NCALD: variants seen among roughly 807,000 people sequenced by gnomAD.
NCALD encodes the protein neurocalcin delta.
In NCALD, 10 loss-of-function variants were observed where a neutral mutation model predicts 18.6. The observed-to-expected ratio is 0.54, with a 90% CI of 0.33 to 0.91. The LOEUF is 0.91. NCALD is among the 40% of genes least tolerant of loss of function. The probability of loss-of-function intolerance (pLI) is 0.03; values close to 1 mark genes in which losing one functional copy is unlikely to be tolerated. For missense variants in NCALD, 184 were observed against 247.6 expected (o/e 0.74, Z 1.72); for synonymous variants, 88 against 87.4 (o/e 1.01, Z -0.04).
intron 1 of NCALD, among the ~76,000 whole-genome samples, chr8:101,769,302 C>T (rs1013341312): frequency 6.6e-6 from 1 of 152,208 alleles, no homozygotes; most frequent in Non-Finnish European, 1.5e-5. Flanking sequence ...CAGTATTAAA[C>T]TTGACGTTCT....
At chr8:101,959,504 T>C (rs1176561703) in intron 2 of NCALD, among the ~76,000 whole-genome samples, 2 of 152,198 alleles carry the variant, frequency 1.3e-5, no homozygotes, top group East Asian at 3.8e-4. Flanking sequence ...CTCAAAAAAC[T>C]TTCCAGTTAT....
At chr8:101,772,930 G>T (rs1811644181) in intron 1 of NCALD, among the ~76,000 whole-genome samples, 1 of 152,148 alleles carries the variant, frequency 6.6e-6, no homozygotes, top group South Asian at 2.1e-4. Context: ...ACCCCAGAAA[G>T]GGGTAGGAGT....
At chr8:101,798,684 G>T (rs1275317344) in intron 4 of NCALD, among the ~76,000 whole-genome samples, 1 of 152,044 alleles carries the variant, frequency 6.6e-6, no homozygotes, top group Non-Finnish European at 1.5e-5. Context: ...AAAAAGAAAG[G>T]AAATAAATAG....
chr8:101,741,619 T>G, intron 1 of NCALD, among the ~76,000 whole-genome samples: 1 of 115,004 alleles, frequency 8.7e-6, no homozygotes, highest in Admixed American at 9.4e-5. Flanking sequence ...GAAACAAAAA[T>G]GATTACAGTG....
At chr8:101,841,637 T>C (rs1398684247) in intron 4 of NCALD, among the ~76,000 whole-genome samples, 1 of 152,222 alleles carries the variant, frequency 6.6e-6, no homozygotes, top group African/African-American at 2.4e-5. Flanking sequence ...AGAACCCTGC[T>C]TATAGTCTTG....
intron 2 of NCALD, among the ~76,000 whole-genome samples, chr8:101,995,372 G>A (rs932085980): frequency 2.6e-5 from 4 of 152,170 alleles, no homozygotes; most frequent in African/African-American, 9.7e-5. Flanking sequence ...TTCTTGCACT[G>A]ATATAAAGAA....
chr8:101,982,699 G>C (rs1336313669), intron 2 of NCALD, among the ~76,000 whole-genome samples: 1 of 151,936 alleles, frequency 6.6e-6, no homozygotes, highest in Non-Finnish European at 1.5e-5. Flanking sequence ...AAATTAGCTG[G>C]GTGTGGTGGC....
At chr8:101,722,775 G>C (rs1346979867) in intron 1 of NCALD, among the ~76,000 whole-genome samples, 1 of 152,088 alleles carries the variant, frequency 6.6e-6, no homozygotes, top group African/African-American at 2.4e-5. Context: ...TTGGTAAACA[G>C]TAATTAAACC....
chr8:101,949,209 C>T (rs998628099), intron 2 of NCALD, among the ~76,000 whole-genome samples: 5 of 152,216 alleles, frequency 3.3e-5, no homozygotes, highest in South Asian at 4.2e-4. Context: ...CTTTAATTTA[C>T]CCCACAATCC....
At chr8:101,948,178 G>A (rs1166933143) in intron 2 of NCALD, among the ~76,000 whole-genome samples, 2 of 152,236 alleles carry the variant, frequency 1.3e-5, no homozygotes, top group African/African-American at 2.4e-5. Context: ...TGGGGAAGAC[G>A]TTGCAATAAT....
At chr8:101,975,483 T>C (rs1820388213) in intron 2 of NCALD, among the ~76,000 whole-genome samples, 1 of 152,166 alleles carries the variant, frequency 6.6e-6, no homozygotes, top group Non-Finnish European at 1.5e-5. Flanking sequence ...TCACTGTACT[T>C]AAGAAAAGCC....
At chr8:101,912,891 C>T (rs913780616) in intron 3 of NCALD, among the ~76,000 whole-genome samples, 1 of 152,228 alleles carries the variant, frequency 6.6e-6, no homozygotes, top group South Asian at 2.1e-4. Flanking sequence ...GTTTCTCCTG[C>T]AGACGTTGAA....
intron 2 of NCALD, among the ~76,000 whole-genome samples, chr8:102,014,791 C>CA (rs1586925343): frequency 1.3e-5 from 2 of 151,788 alleles, no homozygotes; most frequent in African/African-American, 2.4e-5. Flanking sequence ...AAGTCGACTG[C>CA]AAAAAAACAC....
At chr8:101,693,596 C>T (rs1338390882) in intron 2 of NCALD, 1 of 152,092 alleles carries the variant, frequency 6.6e-6, no homozygotes, top group Non-Finnish European at 1.5e-5. Context: ...CGGTGTGATG[C>T]TGATGCTGCT....
rs187205454 is a variant in NCALD at position 101,953,233 on chromosome 8, G to A, written c.-156-37375C>T. Among the ~76,000 whole-genome samples the A allele has an allele frequency of 2.4e-3, 358 of 152,270 alleles. 1 individual carries two copies. The highest frequency in any genetic ancestry group is 7.9e-3 in the African/African-American group (329 of 41,550). On this transcript the variant is annotated intron_variant, in intron 2 of 6. Coordinates refer to the NCALD transcript ENST00000311028. ...ATCTGTCACCAGATGAAGACTAGCC[G>A]CTGCTGACGGTGGCTCCTCAACCTA...
intron 2 of NCALD, among the ~76,000 whole-genome samples, chr8:101,712,963 C>T (rs979250120): frequency 8.5e-5 from 13 of 152,186 alleles, no homozygotes; most frequent in African/African-American, 3.1e-4. Context: ...CACCCCAAAT[C>T]AACAGTGTAT....
chr8:102,018,387 C>T (rs1458723596), intron 2 of NCALD, among the ~76,000 whole-genome samples: 1 of 152,086 alleles, frequency 6.6e-6, no homozygotes, highest in Admixed American at 6.6e-5. Context: ...TGGTATACCA[C>T]ACAATGGAAT....
chr8:101,797,515 G>T (rs1563779205), intron 4 of NCALD, among the ~76,000 whole-genome samples: 1 of 152,076 alleles, frequency 6.6e-6, no homozygotes, highest in African/African-American at 2.4e-5. Flanking sequence ...CAGAGAAAAT[G>T]TTCTTTAAAA....
intron 2 of NCALD, among the ~76,000 whole-genome samples, chr8:101,957,553 G>T (rs1819682205): frequency 6.6e-6 from 1 of 152,046 alleles, no homozygotes; most frequent in African/African-American, 2.4e-5. Flanking sequence ...AAACTCGCTG[G>T]CAGCCTGGAG....
Sources: allele counts gnomAD v4.1 joint callset (sites outside exome capture counted in the v4.1 genomes callset), GRCh38; gene constraint gnomAD v4.1.1; transcripts MANE v1.5; gene names NCBI Gene and HGNC (gene_info 2026-07-23, HGNC 2026-07-21).